Variants in ACSM3 observed in about 807,000 individuals in gnomAD.
ACSM3 encodes acyl-CoA synthetase medium chain family member 3.
In ACSM3, 61 loss-of-function variants were observed where a neutral mutation model predicts 74.1. The observed-to-expected ratio is 0.82, with a 90% CI of 0.67 to 1.02. The LOEUF (loss-of-function observed/expected upper bound fraction) is 1.02, where lower values mean the gene tolerates loss of function less well. Among genes scored for constraint, ACSM3 ranks in the 50% least tolerant of loss-of-function variants. ACSM3 has a pLI of 0.00. For missense variants in ACSM3, 660 were observed against 697.0 expected (o/e 0.95, Z 0.60); for synonymous variants, 213 against 241.5 (o/e 0.88, Z 1.09).
intron 1 of ACSM3, chr16:20,721,368 G>A (rs188124527): frequency 4.6e-5 from 7 of 152,372 alleles, no homozygotes; most frequent in Admixed American, 3.9e-4. Flanking sequence ...TTGACTTGAG[G>A]TGGAGAATGC....
At chr16:20,763,357 G>A (rs2080092911), upstream of ACSM3, among the ~76,000 whole-genome samples, 1 of 152,174 alleles carries the variant, frequency 6.6e-6, no homozygotes, top group South Asian at 2.1e-4. Flanking sequence ...TTGGCCAGGG[G>A]GATATCTGAG....
At chr16:20,741,873 G>C (rs1315546180) in intron 1 of ACSM3, 3 of 1,535,142 alleles carry the variant, frequency 2.0e-6, no homozygotes, top group African/African-American at 2.7e-5. Context: ...CTCATTCCGT[G>C]CTGCGCCAGG....
intron 1 of ACSM3, among the ~76,000 whole-genome samples, chr16:20,714,123 C>A (rs1488540609): frequency 6.6e-6 from 1 of 152,106 alleles, no homozygotes; most frequent in East Asian, 1.9e-4. Context: ...GTACAGAAGA[C>A]CCTGTCCGGG....
intron 1 of ACSM3, chr16:20,681,463 T>G (rs1487777248): frequency 6.6e-6 from 1 of 152,198 alleles, no homozygotes; most frequent in Non-Finnish European, 1.5e-5. Flanking sequence ...TCTCAACCTT[T>G]GGAGGATTCA....
chr16:20,797,071 A>G lies in ACSM3; in HGVS notation c.*99A>G, dbSNP rs1330517224. ...GAGAGGTCATAAAAACTGTGGTAGT[A>G]TGCTTAGAAACTGTTGATTTAAAAT... is the stretch of plus-strand genomic sequence containing the variant. On this transcript the variant is annotated 3_prime_UTR_variant, in exon 14 of 14. Coordinates refer to ENST00000289416, the MANE Select transcript of ACSM3 (RefSeq NM_005622.4). 16 of 1,478,282 alleles carry G rather than the reference A, an allele frequency of 1.1e-5. No homozygotes were observed. Among genetic ancestry groups the G allele is most frequent in the Non-Finnish European group, 3.6e-6 (4 of 1,120,020 alleles). The allele number at this position is 1,478,282 out of a possible 1,614,324, so 91.6% of individuals were successfully genotyped here.
chr16:20,706,330 G>C (rs570313905), intron 1 of ACSM3, among the ~76,000 whole-genome samples: 1 of 152,246 alleles, frequency 6.6e-6, no homozygotes, highest in South Asian at 2.1e-4. Context: ...AGAGGAAAAT[G>C]ATACATTACA....
chr16:20,760,754 C>A (rs2080070257), upstream of ACSM3, among the ~76,000 whole-genome samples: 1 of 152,060 alleles, frequency 6.6e-6, no homozygotes, highest in South Asian at 2.1e-4. Context: ...TTAAAAATTT[C>A]TGTTACCACT....
intron 1 of ACSM3, among the ~76,000 whole-genome samples, chr16:20,678,142 C>T (rs2079350622): frequency 1.3e-5 from 2 of 152,160 alleles, no homozygotes; most frequent in Non-Finnish European, 2.9e-5. Context: ...TCCCAAGCTA[C>T]ACTCCAAATG....
rs763740429 is a variant in ACSM3 at position 20,775,924 on chromosome 16, C to G, written c.305C>G (p.Ser102Cys). The change falls in exon 3 of 14, where the codon TCT becomes TGT. Residue 102 changes from serine to cysteine, a missense_variant. Transcript: ENST00000289416. ...CGATGGAGTTTTGAGGAACTGGGAT[C>G]TCTGTCCAGAAAATTTGCCAATATA... ...EMRWSFEELG[S>C]LSRKFANILS... 3 of 1,614,076 alleles carry G rather than the reference C, an allele frequency of 1.9e-6. No homozygotes were observed. The highest frequency in any genetic ancestry group is 2.5e-6 in the Non-Finnish European group (3 of 1,180,040).
chr16:20,744,410 G>A (rs1371673166), intron 1 of ACSM3, among the ~76,000 whole-genome samples: 4 of 152,114 alleles, frequency 2.6e-5, no homozygotes, highest in Non-Finnish European at 4.4e-5. Context: ...TTTTTGAGAC[G>A]GAGTCTTGCT....
intron 1 of ACSM3, among the ~76,000 whole-genome samples, chr16:20,699,337 AG>A (rs2079706536): frequency 6.6e-6 from 1 of 152,198 alleles, no homozygotes; most frequent in Non-Finnish European, 1.5e-5. Context: ...AGGGATCTCC[AG>A]TATTTTCATT....
chr16:20,730,237 T>TGCAGATTTCACTGAATAGGCA (rs1471197602), intron 1 of ACSM3, among the ~76,000 whole-genome samples: 5 of 152,152 alleles, frequency 3.3e-5, no homozygotes, highest in Non-Finnish European at 7.4e-5. Flanking sequence ...CATAAGCATA[T>TGCAGATTTCACTGAATAGGCA]GCAGATTTCA....
intron 1 of ACSM3, among the ~76,000 whole-genome samples, chr16:20,708,471 T>A (rs1742586163): frequency 6.6e-6 from 1 of 152,126 alleles, no homozygotes; most frequent in African/African-American, 2.4e-5. Context: ...AAATTAATAG[T>A]GTTTCTATAC....
chr16:20,728,404 G>C, intron 1 of ACSM3: 5 of 1,439,604 alleles, frequency 3.5e-6, no homozygotes, highest in Non-Finnish European at 4.8e-6. Flanking sequence ...GATGAAAATG[G>C]CAATGTTCTA....
intron 1 of ACSM3, chr16:20,679,146 C>G (rs939562683): frequency 6.6e-6 from 1 of 152,246 alleles, no homozygotes; most frequent in Non-Finnish European, 1.5e-5. Context: ...TCTACTTCTA[C>G]TGCTGTTAAA....
chr16:20,787,551 A>AT (rs981049948), intron 9 of ACSM3, among the ~76,000 whole-genome samples: 75 of 152,322 alleles, frequency 4.9e-4, no homozygotes, highest in African/African-American at 1.7e-3. Flanking sequence ...GAACTCTGAA[A>AT]TTTGAAATCT....
In ACSM3 at chr16:20,777,565, T is replaced by C. The variant is rs189780189; in HGVS notation, c.623T>C (p.Leu208Pro). The C allele has an allele frequency of 4.3e-6, 7 of 1,613,846 alleles. No homozygotes were observed. The East Asian group carries it at 1.3e-4, about 31-fold the overall frequency. Residue 208 changes from leucine to proline, a missense_variant, in exon 4 of 14, where the codon CTC (leucine) becomes CCC (proline). Transcript: ENST00000289416. ...SENSREGWGN[L>P]KELMKHASDS... ...AACTCCAGAGAGGGGTGGGGGAACC[T>C]CAAGGAGTTGATGAAGTGAGTAGCC...
chr16:20,782,521 G>A (rs976622152), intron 7 of ACSM3, among the ~76,000 whole-genome samples: 4 of 152,166 alleles, frequency 2.6e-5, no homozygotes, highest in Non-Finnish European at 5.9e-5. Context: ...TGGGTCTCCA[G>A]ATGTAAGGGA....
chr16:20,736,971 T>G, intron 1 of ACSM3: 1 of 1,614,192 alleles, frequency 6.2e-7, no homozygotes, highest in Non-Finnish European at 8.5e-7. Context: ...CACCTGTGGA[T>G]TAGACGTTGG....
Sources: gnomAD v4.1 joint callset for allele counts (sites outside exome capture counted in the v4.1 genomes callset) on GRCh38, gnomAD v4.1.1 for gene constraint, MANE v1.5 for transcripts, NCBI Gene and HGNC (gene_info 2026-07-23, HGNC 2026-07-21) for gene names.